INTU: variants seen among roughly 807,000 people sequenced by gnomAD.
INTU encodes the protein inturned planar cell polarity protein, also known as protein inturned.
Under a neutral mutation model 100.5 loss-of-function variants are expected in INTU, and 68 were observed. That is an observed-to-expected ratio of 0.68 (90% CI 0.56 to 0.83). The LOEUF is 0.83. Ranked by LOEUF, INTU falls within the 40% of genes least tolerant of loss-of-function variation. The pLI is 0.00. For missense variants in INTU, 1,071 were observed against 1,114.7 expected (o/e 0.96, Z 0.56); for synonymous variants, 357 against 395.7 (o/e 0.90, Z 1.16).
chr4:127,689,775 G>A (rs1203305576), intron 8 of INTU, among the ~76,000 whole-genome samples: 1 of 152,084 alleles, frequency 6.6e-6, no homozygotes, highest in African/African-American at 2.4e-5. Context: ...GGGAAGGGAA[G>A]GGAAGGATAT....
rs1728562967 is a variant in INTU, at chr4:127,663,465, GA to G, written c.854del (p.Asp285ValfsTer2). On this transcript the variant is annotated frameshift_variant, in exon 4 of 16. Transcript: ENST00000335251. LOFTEE classifies it high-confidence loss of function. ...RQKKTQSNTS[D>X]LVKLLWGEEV... Reference sequence around the variant, plus strand: ...GAAAAAGACACAGTCCAACACAAGTGATTTAGTCAAGCTTCTCTGGGGAGAA... The same window carrying G: ...GAAAAAGACACAGTCCAACACAAGTGTTTAGTCAAGCTTCTCTGGGGAGAA... 6.2e-7 allele frequency: 1 copy of G among 1,613,532 alleles called. No homozygotes were observed. Among genetic ancestry groups the G allele is most frequent in the Admixed American group, 1.7e-5 (1 of 59,914 alleles).
intron 3 of INTU, among the ~76,000 whole-genome samples, chr4:127,658,544 G>T (rs575438638): frequency 6.6e-6 from 1 of 152,332 alleles, no homozygotes; most frequent in South Asian, 2.1e-4. Context: ...CCCCCAAGTG[G>T]AGTAGCTATG....
intron 1 of INTU, among the ~76,000 whole-genome samples, chr4:127,636,374 G>T (rs1727070298): frequency 6.6e-6 from 1 of 152,048 alleles, no homozygotes; most frequent in African/African-American, 2.4e-5. Context: ...ACTTTGGAAG[G>T]CCGAGGCGGG....
In INTU at chr4:127,711,111, C is replaced by T. The variant is rs1053532453; in HGVS notation, c.2559+9C>T. 1.9e-6 allele frequency: 3 copies of T among 1,561,454 alleles called. No homozygotes were observed. The highest frequency in any genetic ancestry group is 2.6e-6 in the Non-Finnish European group (3 of 1,142,454). Reference sequence around the variant, plus strand: ...AGACATTGGTGGAAGAGGTAGGGCACTGCTATAAATACAGTTTTCTGCCAG... The same window carrying T: ...AGACATTGGTGGAAGAGGTAGGGCATTGCTATAAATACAGTTTTCTGCCAG... On this transcript the variant is annotated intron_variant, in intron 14 of 15. Coordinates refer to ENST00000335251, the MANE Select transcript of INTU (RefSeq NM_015693.4).
intron 2 of INTU, among the ~76,000 whole-genome samples, chr4:127,653,738 C>A (rs1401220575): frequency 6.6e-6 from 1 of 150,678 alleles, no homozygotes; most frequent in African/African-American, 2.5e-5. Flanking sequence ...TCTATTAGGT[C>A]CACTTGGTGC....
intron 6 of INTU, among the ~76,000 whole-genome samples, chr4:127,674,514 T>C (rs1729084181): frequency 6.6e-6 from 1 of 152,194 alleles, no homozygotes; most frequent in South Asian, 2.1e-4. Context: ...TTTGACAACA[T>C]TGTGATTTGG....
In INTU at chr4:127,640,594, T is replaced by C. The variant is rs564838967; in HGVS notation, c.147-2927T>C. The stretch of plus-strand genomic sequence containing the variant: ...ATATATATATATATATATATATACA[T>C]ATACATAAACACACATGTGTATATT... On this transcript the variant is annotated intron_variant, in intron 1 of 15. Coordinates refer to ENST00000335251, the MANE Select transcript of INTU (RefSeq NM_015693.4). Among the ~76,000 whole-genome samples, 59 of 39,886 alleles carry C rather than the reference T, an allele frequency of 1.5e-3. 2 individuals are homozygous for C. Among genetic ancestry groups the C allele is most frequent in the South Asian group, 5.8e-3 (3 of 518 alleles). The allele number at this position is 39,886 out of a possible 152,430, so 26.2% of individuals were successfully genotyped here.
At position 127,726,358 on chromosome 4, in the gene INTU, T is replaced by TTG. The variant is rs1731416130; in HGVS notation, c.*9924_*9925dup. 1 of 152,240 alleles carries TTG rather than the reference T, an allele frequency of 6.6e-6. No homozygotes were observed. The highest frequency in any genetic ancestry group is 2.4e-5 in the African/African-American group (1 of 41,470). 9.4% of individuals were successfully genotyped at this position (152,240 alleles called of 1,614,324 possible). ...CTAGGTTTTTCTGCTTTGGACATAATTGTATGTGTTAATTCTCTCTAAACA... is the reference window on the plus strand; with the variant it reads ...CTAGGTTTTTCTGCTTTGGACATAATTGTGTATGTGTTAATTCTCTCTAAACA... On this transcript the variant is annotated 3_prime_UTR_variant, in exon 16 of 16. Transcript: ENST00000335251.
At chr4:127,649,000 C>G (rs907984519) in intron 2 of INTU, among the ~76,000 whole-genome samples, 1 of 152,058 alleles carries the variant, frequency 6.6e-6, no homozygotes, top group Admixed American at 6.6e-5. Flanking sequence ...CTAGTTCAAG[C>G]CTTCACAGTT....
rs1385729905 is a variant in INTU at position 127,652,179 on chromosome 4, A to G, written c.683-4457A>G. On this transcript the variant is annotated intron_variant, in intron 2 of 15. Transcript: ENST00000335251. ...GTCGTCTGCAAACAGGGACAATTTGACTTCCTCTTTTCCTAATTGAATACC... is the reference window on the plus strand; with the variant it reads ...GTCGTCTGCAAACAGGGACAATTTGGCTTCCTCTTTTCCTAATTGAATACC... Among the ~76,000 whole-genome samples, 3 of 125,238 alleles carry G rather than the reference A, an allele frequency of 2.4e-5. No individual in the cohort carries two copies. The East Asian group carries it at 7.1e-4, about 30-fold the overall frequency. The allele number at this position is 125,238 out of a possible 152,430, so 82.2% of individuals were successfully genotyped here. A position where few individuals can be genotyped will look rare whatever the true frequency, so the allele number is the denominator to read the frequency against.
chr4:127,653,794 G>A (rs1428525902), intron 2 of INTU, among the ~76,000 whole-genome samples: 25 of 151,474 alleles, frequency 1.7e-4, no homozygotes, highest in Admixed American at 1.1e-3. Context: ...GTTCTGTCTC[G>A]TTGATCTGTC....
At chr4:127,638,864 C>T (rs1381207655) in intron 1 of INTU, among the ~76,000 whole-genome samples, 3 of 152,076 alleles carry the variant, frequency 2.0e-5, no homozygotes, top group African/African-American at 7.2e-5. Flanking sequence ...AATAATTATG[C>T]AGCTTGTACT....
intron 7 of INTU, chr4:127,687,218 A>T (rs1729867305): frequency 6.6e-6 from 1 of 152,322 alleles, no homozygotes; most frequent in South Asian, 2.1e-4. Flanking sequence ...GAGAAAGGTT[A>T]GGTGATTTGC....
chr4:127,636,943 G>GA (rs1413325606), intron 1 of INTU, among the ~76,000 whole-genome samples: 2 of 152,238 alleles, frequency 1.3e-5, no homozygotes, highest in Non-Finnish European at 2.9e-5. Flanking sequence ...GGTTTATGAT[G>GA]AAAAATGGTA....
intron 7 of INTU, chr4:127,686,189 G>A (rs1729815947): frequency 1.3e-5 from 2 of 152,150 alleles, no homozygotes; most frequent in Non-Finnish European, 2.9e-5. Context: ...ACAGAAAACT[G>A]ACTATATACT....
chr4:127,679,422 T>A (rs1424659321), intron 6 of INTU, among the ~76,000 whole-genome samples: 2 of 152,016 alleles, frequency 1.3e-5, no homozygotes, highest in Non-Finnish European at 2.9e-5. Flanking sequence ...CACAGTGCAA[T>A]CAAACTACAA....
At chr4:127,650,809 A>G (rs919069012) in intron 2 of INTU, among the ~76,000 whole-genome samples, 1 of 151,776 alleles carries the variant, frequency 6.6e-6, no homozygotes. Flanking sequence ...GACTTCCACA[A>G]TGGTTGAACT....
intron 4 of INTU, among the ~76,000 whole-genome samples, chr4:127,666,492 C>G (rs996287112): frequency 6.6e-6 from 1 of 152,150 alleles, no homozygotes; most frequent in Non-Finnish European, 1.5e-5. Context: ...GGGCTTAATA[C>G]AGTGGTTCTA....
At chr4:127,645,655 G>A (rs1727547547) in intron 2 of INTU, among the ~76,000 whole-genome samples, 2 of 151,852 alleles carry the variant, frequency 1.3e-5, no homozygotes, top group African/African-American at 2.4e-5. Flanking sequence ...CTACCTCCCG[G>A]GTTCAAGCGA....
Sources: gnomAD v4.1 joint callset for allele counts (sites outside exome capture counted in the v4.1 genomes callset) on GRCh38, gnomAD v4.1.1 for gene constraint, MANE v1.5 for transcripts, NCBI Gene and HGNC (gene_info 2026-07-23, HGNC 2026-07-21) for gene names.